CUZD1: variants seen among roughly 807,000 people sequenced by gnomAD.
The protein encoded by CUZD1 is CUB and zona pellucida-like domain-containing protein 1.
CUZD1 carries 42 observed loss-of-function variants against 53.1 expected under a neutral mutation model. That is an observed-to-expected ratio of 0.79 (90% CI 0.62 to 1.02). The LOEUF (loss-of-function observed/expected upper bound fraction) is 1.02. Ranked by LOEUF, CUZD1 falls within the 50% of genes least tolerant of loss-of-function variation. The probability of loss-of-function intolerance (pLI) is 0.00; values close to 1 mark genes in which losing one functional copy is unlikely to be tolerated. For synonymous variants in CUZD1, 238 were observed against 257.2 expected (o/e 0.93, Z 0.71); for missense variants, 670 against 715.7 (o/e 0.94, Z 0.73).
intron 2 of CUZD1, among the ~76,000 whole-genome samples, chr10:122,839,992 A>C (rs1847313129): frequency 6.6e-6 from 1 of 152,186 alleles, no homozygotes; most frequent in Non-Finnish European, 1.5e-5. Context: ...AGTTTATAAT[A>C]TTCTGAATAT....
At chr10:122,838,965 TA>T in intron 3 of CUZD1, 51 bp downstream of exon 3, 1 of 1,366,354 alleles carries the variant, frequency 7.3e-7, no homozygotes, top group South Asian at 1.2e-5. Context: ...GAAGAGTGTG[TA>T]ACCTGTGCTT....
intron 3 of CUZD1, among the ~76,000 whole-genome samples, chr10:122,838,492 G>A (rs1469019219): frequency 6.6e-6 from 1 of 152,128 alleles, no homozygotes; most frequent in Non-Finnish European, 1.5e-5. Flanking sequence ...AAATTTCAAT[G>A]GTGAGCCCAG....
Position 122,832,287 on chromosome 10 carries a change from C to A in CUZD1, c.1815G>T (p.Gln605His), listed in dbSNP as rs763205663. ...GGGTTGGACCTGTTAGTTAATAGTT[C>A]TGCAGCTTCTGGTATTTGTAGTCTG... is the stretch of plus-strand genomic sequence containing the variant. ...QRADYKYQKL[Q>H]NY is the part of the protein sequence containing the mutation. The change falls in exon 9 of 9, where the codon CAG (glutamine) becomes CAT (histidine). Residue 605 changes from glutamine to histidine, a missense_variant. Transcript: ENST00000392790. The A allele has an allele frequency of 1.2e-6, 2 of 1,614,032 alleles. No homozygotes were observed. The highest frequency in any genetic ancestry group is 1.1e-5 in the South Asian group (1 of 91,052).
At chr10:122,835,165 A>G in intron 6 of CUZD1, 68 bp from the exon 7 acceptor site, 2 of 1,269,548 alleles carry the variant, frequency 1.6e-6, no homozygotes, top group Non-Finnish European at 1.1e-6. Flanking sequence ...ATAGATGTGG[A>G]TAACATTTGC....
At chr10:122,843,277 T>A (rs902823328) in intron 1 of CUZD1, among the ~76,000 whole-genome samples, 1 of 152,178 alleles carries the variant, frequency 6.6e-6, no homozygotes, top group Non-Finnish European at 1.5e-5. Flanking sequence ...TGAGGTACAG[T>A]CATCCCTTGG....
At position 122,833,714 on chromosome 10, in the gene CUZD1, G is replaced by A. The variant is rs1847195688; in HGVS notation, c.1609C>T (p.Pro537Ser). 1 of 1,613,852 alleles carries A rather than the reference G, an allele frequency of 6.2e-7. No homozygotes were observed. The highest frequency in any genetic ancestry group is 1.1e-5 in the South Asian group (1 of 91,072). The change falls in exon 8 of 9, where the codon CCC becomes TCC. Residue 537 changes from proline (P) to serine (S), a missense_variant. By Grantham distance (74) the Pro-to-Ser change is moderately conservative. Transcript: ENST00000392790. The stretch of plus-strand genomic sequence containing the variant: ...CTTCGATCCCTTTTCAGACGAATGG[G>A]TCCTATGATGGAATCTGTTTTCCAT... ...YKWKTDSIIG[P>S]IRLKRDRSAS...
intron 1 of CUZD1, among the ~76,000 whole-genome samples, chr10:122,844,393 T>C (rs1356940998): frequency 1.3e-5 from 2 of 152,116 alleles, no homozygotes; most frequent in East Asian, 3.9e-4. Flanking sequence ...GTGGTGATTG[T>C]TGCACAATTC....
chr10:122,840,938 TTG>T (rs1204626788), intron 2 of CUZD1, among the ~76,000 whole-genome samples: 1 of 152,192 alleles, frequency 6.6e-6, no homozygotes, highest in Non-Finnish European at 1.5e-5. Context: ...CTCAACCTTG[TTG>T]TGTTTGTAGT....
intron 1 of CUZD1, among the ~76,000 whole-genome samples, chr10:122,841,922 T>G (rs1847351000): frequency 6.6e-6 from 1 of 152,246 alleles, no homozygotes; most frequent in Non-Finnish European, 1.5e-5. Context: ...ATATCCTTTT[T>G]GGTAAGTATC....
chr10:122,843,225 G>A (rs1591713726), intron 1 of CUZD1, among the ~76,000 whole-genome samples: 1 of 152,078 alleles, frequency 6.6e-6, no homozygotes, highest in Admixed American at 6.5e-5. Flanking sequence ...ATAAAACATG[G>A]TCTATCCATA....
At position 122,841,200 on chromosome 10, in the gene CUZD1, T is replaced by C. The variant is rs758880808; in HGVS notation, c.211A>G (p.Arg71Gly). Reference protein sequence around the residue: ...TIERPENKSIRIIFSYVQLDP... With the variant: ...TIERPENKSIGIIFSYVQLDP... Reference sequence around the variant, plus strand: ...TACTGGACATAGGAAAAGATAATTCTGATGCTTTTGTTTTCTGGTCTTTCT... The same window carrying C: ...TACTGGACATAGGAAAAGATAATTCCGATGCTTTTGTTTTCTGGTCTTTCT... The change falls in exon 2 of 9, where the codon AGA becomes GGA. Residue 71 changes from arginine (R) to glycine (G), a missense_variant. Arg to Gly is a moderately radical substitution (Grantham distance 125, BLOSUM62 -2). Coordinates refer to ENST00000392790, the MANE Select transcript of CUZD1 (RefSeq NM_022034.6). The C allele has an allele frequency of 5.6e-6, 9 of 1,613,818 alleles. No homozygotes were observed. In the South Asian group the frequency reaches 9.9e-5, roughly 18 times the overall value.
Position 122,833,773 on chromosome 10 carries a change from A to G in CUZD1, c.1550T>C (p.Val517Ala), listed in dbSNP as rs773452365. 6.2e-7 allele frequency: 1 copy of G among 1,613,986 alleles called. No homozygotes were observed. The highest frequency in any genetic ancestry group is 8.5e-7 in the Non-Finnish European group (1 of 1,179,968). ...DHQSRCNQGC[V>A]SRSKRDISSY... ...AGAAATGTCTCGTTTGCTTCTGGAG[A>G]CACAACCTTGATTGCAGCGAGACTG... Residue 517 changes from valine (V) to alanine (A), a missense_variant, in exon 8 of 9, where the codon GTC (valine) becomes GCC (alanine). By Grantham distance (64) the Val-to-Ala change is moderately conservative. Transcript: ENST00000392790.
In CUZD1 at chr10:122,833,886, T is replaced by A; in HGVS notation, c.1437A>T (p.Arg479Ser). The A allele has an allele frequency of 6.2e-7, 1 of 1,613,868 alleles. No homozygotes were observed. Among genetic ancestry groups the A allele is most frequent in the Non-Finnish European group, 8.5e-7 (1 of 1,179,808 alleles). Reference protein sequence around the residue: ...KVYPLFGHYGRFQFNAFKFLR... With the variant: ...KVYPLFGHYGSFQFNAFKFLR... ...AGAATTTAAAGGCATTAAACTGGAA[T>A]CTCCCATAGTGTCCAAATAAGGGAT... Residue 479 changes from arginine (R) to serine (S), a missense_variant, in exon 8 of 9, where the codon AGA (arginine) becomes AGT (serine). Transcript: ENST00000392790.
intron 1 of CUZD1, among the ~76,000 whole-genome samples, chr10:122,842,068 T>A (rs1847353087): frequency 6.6e-6 from 1 of 152,202 alleles, no homozygotes; most frequent in African/African-American, 2.4e-5. Context: ...AATCTGTATC[T>A]TGTCTTTTCA....
intron 1 of CUZD1, among the ~76,000 whole-genome samples, chr10:122,843,562 T>G (rs1341407390): frequency 6.6e-6 from 1 of 152,138 alleles, no homozygotes; most frequent in African/African-American, 2.4e-5. Context: ...GTTGAATCCA[T>G]GAATGCTGAA....
At chr10:122,844,238 G>A (rs181079905) in intron 1 of CUZD1, among the ~76,000 whole-genome samples, 11 of 151,810 alleles carry the variant, frequency 7.2e-5, no homozygotes, top group Admixed American at 1.3e-4. Context: ...GTCTCACTAC[G>A]TCGTTCAGGG....
At chr10:122,835,537 T>C (rs1255584654) in intron 6 of CUZD1, among the ~76,000 whole-genome samples, 1 of 152,200 alleles carries the variant, frequency 6.6e-6, no homozygotes, top group African/African-American at 2.4e-5. Flanking sequence ...TAATAAAGAC[T>C]GTGCGTTCAT....
rs781778473 is a variant in CUZD1 at position 122,836,916 on chromosome 10, A to T, written c.732T>A (p.Thr244=). ...TGGCATAATCTGTAGACAACACGAC[A>T]GTCAGAGAGTTTGATGACGATTCGA... ...PTFESSSNSL[T]VVLSTDYANS... is the part of the protein sequence containing the mutation. Residue 244 remains threonine (T), a synonymous_variant, in exon 5 of 9, where the codon ACT becomes ACA. Transcript: ENST00000392790. 107 of 1,614,064 alleles carry T rather than the reference A, an allele frequency of 6.6e-5. No individual in the cohort carries two copies. The highest frequency in any genetic ancestry group is 3.6e-4 in the South Asian group (33 of 91,086).
chr10:122,832,293 C>A lies in CUZD1; in HGVS notation c.1809G>T (p.Lys603Asn), dbSNP rs1428115169. Residue 603 changes from lysine (K) to asparagine (N), a missense_variant, in exon 9 of 9, where the codon AAG becomes AAT. Coordinates refer to ENST00000392790, the MANE Select transcript of CUZD1 (RefSeq NM_022034.6). ...GACCTGTTAGTTAATAGTTCTGCAG[C>A]TTCTGGTATTTGTAGTCTGCCCGTT... ...VNQRADYKYQ[K>N]LQNY 1 of 1,614,068 alleles carries A rather than the reference C, an allele frequency of 6.2e-7. No individual in the cohort carries two copies. Among genetic ancestry groups the A allele is most frequent in the Non-Finnish European group, 8.5e-7 (1 of 1,179,964 alleles).
Sources: gnomAD v4.1 joint callset for allele counts (sites outside exome capture counted in the v4.1 genomes callset) on GRCh38, gnomAD v4.1.1 for gene constraint, MANE v1.5 for transcripts, NCBI Gene and HGNC (gene_info 2026-07-23, HGNC 2026-07-21) for gene names.